The following PLEKHM2 variants were observed in gnomAD, a reference collection of about 807,000 sequenced individuals.
PLEKHM2 encodes the protein pleckstrin homology domain-containing family M member 2.
Under a neutral mutation model 116.3 loss-of-function variants are expected in PLEKHM2, and 77 were observed. The ratio of observed to expected loss-of-function variants is 0.66; its 90% CI spans 0.55 to 0.80. PLEKHM2 has a LOEUF of 0.80. PLEKHM2 is among the 30% of genes least tolerant of loss of function. The pLI is 0.00. For missense variants in PLEKHM2, 1,183 were observed against 1,354.9 expected (o/e 0.87, Z 1.99); for synonymous variants, 562 against 571.0 (o/e 0.98, Z 0.22).
chr1:15,707,752 C>A (rs188925129), intron 1 of PLEKHM2, among the ~76,000 whole-genome samples: 3 of 152,242 alleles, frequency 2.0e-5, no homozygotes, highest in Non-Finnish European at 4.4e-5. Flanking sequence ...CAGTGTGGGG[C>A]CAAAGGACAG....
At chr1:15,731,324 G>C in intron 16 of PLEKHM2, 67 bp downstream of exon 16, 1 of 1,238,228 alleles carries the variant, frequency 8.1e-7, no homozygotes. Flanking sequence ...GTTTGAGATG[G>C]CTGCCCCTGT....
At chr1:15,715,409 A>G (rs560508060) in intron 1 of PLEKHM2, among the ~76,000 whole-genome samples, 2 of 152,324 alleles carry the variant, frequency 1.3e-5, no homozygotes, top group East Asian at 3.9e-4. Flanking sequence ...TGGGAGGCCA[A>G]AGTGGGTGGA....
In PLEKHM2 at chr1:15,727,152, T is replaced by G; in HGVS notation, c.1080T>G (p.Leu360=). Residue 360 remains leucine, a synonymous_variant, in exon 9 of 20, where the codon CTT becomes CTG. Transcript: ENST00000375799. This position sits in a 1 kb window ranked among gnomAD's most constrained non-coding sequence, Gnocchi z 7.5. The part of the protein sequence containing the change: ...DGDSRNGSPS[L]GRDSPDTMLA... ...ACAGCCGCAACGGCAGCCCAAGCCT[T>G]GGGCGGGACTCGCCAGACACTATGC... 1 of 1,597,694 alleles carries G rather than the reference T, an allele frequency of 6.3e-7. No homozygotes were observed. The highest frequency in any genetic ancestry group is 1.7e-4 in the Middle Eastern group (1 of 5,968).
intron 8 of PLEKHM2, 167 bp downstream of exon 8, chr1:15,725,712 G>A (rs1325512910): frequency 2.0e-5 from 12 of 607,090 alleles, no homozygotes; most frequent in Non-Finnish European, 3.2e-5. Flanking sequence ...AAGAGGAAGT[G>A]GAGGCCTGTC....
At chr1:15,723,910 A>G (rs2068027410) in intron 7 of PLEKHM2, among the ~76,000 whole-genome samples, 1 of 152,220 alleles carries the variant, frequency 6.6e-6, no homozygotes, top group Non-Finnish European at 1.5e-5. Flanking sequence ...CAAGATGAGC[A>G]TTGGCCGGCA....
At position 15,727,819 on chromosome 1, in the gene PLEKHM2, T is replaced by A. The variant is rs1359502211; in HGVS notation, c.1747T>A (p.Ser583Thr). The change falls in exon 9 of 20, where the codon TCC (serine) becomes ACC (threonine). Residue 583 changes from serine (S) to threonine (T), a missense_variant. By Grantham distance (58) the Ser-to-Thr change is moderately conservative. This residue lies in a region of PLEKHM2 where 594 missense variants were observed against 720.1 expected (regional missense o/e 0.82). Coordinates refer to ENST00000375799, the MANE Select transcript of PLEKHM2 (RefSeq NM_015164.4). The surrounding 1 kb of genome is among the most constrained non-coding windows in gnomAD (Gnocchi z 7.5). ...GQGSPSEMVH[S>T]SEFRVDNNHL... ...GGGGAGCCCTTCGGAGATGGTCCAT[T>A]CCTCGGAGTTCAGGTAACAAGACTC... is the stretch of plus-strand genomic sequence containing the variant. 6.3e-7 allele frequency: 1 copy of A among 1,577,826 alleles called. No individual in the cohort carries two copies. The highest frequency in any genetic ancestry group is 8.6e-7 in the Non-Finnish European group (1 of 1,161,012).
rs759850212 is a variant in PLEKHM2 at position 15,717,959 on chromosome 1, A to G, written c.344A>G (p.Glu115Gly). ...SLESYLRLFQ[E>G]NLGLLHKYYV... The stretch of plus-strand genomic sequence containing the variant: ...GAGAGCTACCTGCGGTTGTTCCAGG[A>G]GAACCTGGGCCTGCTGCATAAGTAC... The change falls in exon 4 of 20, where the codon GAG becomes GGG. Residue 115 changes from glutamate to glycine, a missense_variant. By Grantham distance (98) the Glu-to-Gly change is moderately conservative. Transcript: ENST00000375799. 6 of 1,598,628 alleles carry G rather than the reference A, an allele frequency of 3.8e-6. No individual in the cohort carries two copies. The highest frequency in any genetic ancestry group is 1.1e-5 in the South Asian group (1 of 88,388).
At chr1:15,709,859 T>C (rs1381749712) in intron 1 of PLEKHM2, among the ~76,000 whole-genome samples, 1 of 152,134 alleles carries the variant, frequency 6.6e-6, no homozygotes, top group Non-Finnish European at 1.5e-5. Context: ...GGGAAAAGAC[T>C]CCATGTTCCT....
intron 1 of PLEKHM2, among the ~76,000 whole-genome samples, chr1:15,696,602 C>T (rs934638294): frequency 2.6e-5 from 4 of 151,992 alleles, no homozygotes; most frequent in Non-Finnish European, 2.9e-5. Flanking sequence ...CCGCCCGCCT[C>T]GGCCTCCCAA....
chr1:15,698,552 T>TC (rs1348810665), intron 1 of PLEKHM2, among the ~76,000 whole-genome samples: 1 of 75,158 alleles, frequency 1.3e-5, no homozygotes, highest in Non-Finnish European at 2.7e-5. Flanking sequence ...TTTCTTTCTT[T>TC]TTTTTTTTTT....
At chr1:15,731,831 G>T in intron 16 of PLEKHM2, 58 bp from the exon 17 acceptor site, 1 of 1,474,102 alleles carries the variant, frequency 6.8e-7, no homozygotes. Flanking sequence ...CCTGGGGGCT[G>T]TCGCCCCGTG....
At chr1:15,689,040 G>A (rs1033078081) in intron 1 of PLEKHM2, among the ~76,000 whole-genome samples, 2 of 152,068 alleles carry the variant, frequency 1.3e-5, no homozygotes, top group African/African-American at 2.4e-5. Context: ...CCTGAGGTCA[G>A]GAGATCGAGA....
intron 1 of PLEKHM2, among the ~76,000 whole-genome samples, chr1:15,690,059 G>T (rs1640858296): frequency 7.3e-6 from 1 of 137,186 alleles, no homozygotes; most frequent in South Asian, 2.4e-4. Flanking sequence ...CCCAGCCGAG[G>T]TTTTTTTTTT....
At chr1:15,683,641 G>C (rs986494556), upstream of PLEKHM2, among the ~76,000 whole-genome samples, 2 of 150,882 alleles carry the variant, frequency 1.3e-5, no homozygotes, top group Non-Finnish European at 3.0e-5. Flanking sequence ...TCTCTGGGGA[G>C]GGCCAGTGCC....
At chr1:15,698,252 C>T (rs1379896026) in intron 1 of PLEKHM2, among the ~76,000 whole-genome samples, 1 of 151,950 alleles carries the variant, frequency 6.6e-6, no homozygotes, top group Non-Finnish European at 1.5e-5. Context: ...CTCTGTCACC[C>T]AGGCTGCAGT....
At chr1:15,708,704 T>G (rs1332392036) in intron 1 of PLEKHM2, among the ~76,000 whole-genome samples, 1 of 152,200 alleles carries the variant, frequency 6.6e-6, no homozygotes, top group African/African-American at 2.4e-5. Flanking sequence ...ATTATACTTG[T>G]GAGCCACCAT....
At chr1:15,733,717 G>T in intron 19 of PLEKHM2, 80 bp from the exon 20 acceptor site, 4 of 1,483,854 alleles carry the variant, frequency 2.7e-6, no homozygotes, top group Non-Finnish European at 2.7e-6. Flanking sequence ...CAAGGCAGAG[G>T]CAGGCCTGGT....
rs1422221012 is a variant in PLEKHM2, at chr1:15,734,056, AACC to A, written c.*126_*128del. The A allele has an allele frequency of 1.8e-6, 2 of 1,128,984 alleles. No individual in the cohort carries two copies. Among genetic ancestry groups the A allele is most frequent in the African/African-American group, 3.2e-5 (2 of 63,468 alleles). The allele number at this position is 1,128,984 out of a possible 1,614,324, so 69.9% of individuals were successfully genotyped here. On this transcript the variant is annotated 3_prime_UTR_variant, in exon 20 of 20. Coordinates refer to ENST00000375799, the MANE Select transcript of PLEKHM2 (RefSeq NM_015164.4). The stretch of plus-strand genomic sequence containing the variant: ...AGTCCACCCCTGCCCTGGGCGGCAG[AACC>A]ACCGAGTGTGGCTTAAGACAGGGTC...
chr1:15,682,058 T>A (rs1316671400), upstream of PLEKHM2, among the ~76,000 whole-genome samples: 1 of 151,818 alleles, frequency 6.6e-6, no homozygotes. Context: ...TAAAATTCGC[T>A]GGGCGTATTT....
Sources: allele counts gnomAD v4.1 joint callset (sites outside exome capture counted in the v4.1 genomes callset), GRCh38; gene constraint gnomAD v4.1.1; regional missense constraint gnomAD v4.1.1; non-coding constraint Gnocchi (gnomAD v3.1); transcripts MANE v1.5; gene names NCBI Gene and HGNC (gene_info 2026-07-23, HGNC 2026-07-21).